GPC1: variants seen among roughly 807,000 people sequenced by gnomAD.
The protein encoded by GPC1 is glypican-1.
GPC1 carries 26 observed loss-of-function variants against 51.5 expected under a neutral mutation model. The ratio of observed to expected loss-of-function variants is 0.50; its 90% CI spans 0.37 to 0.70. The LOEUF (loss-of-function observed/expected upper bound fraction) is 0.70, where lower values mean the gene tolerates loss of function less well. GPC1 is among the 30% of genes least tolerant of loss of function. The pLI, the probability that GPC1 is intolerant of heterozygous loss-of-function variation, is 0.00. For missense variants in GPC1, 775 were observed against 800.5 expected, an observed-to-expected ratio of 0.97 and a Z score of 0.38; for synonymous variants, 380 against 348.3, an observed-to-expected ratio of 1.09 and a Z score of -1.01.
chr2:240,450,759 G>A (rs2074091774), intron 1 of GPC1: 3 of 470,030 alleles, frequency 6.4e-6, no homozygotes, highest in Non-Finnish European at 8.8e-6. Flanking sequence ...GATTCCCCCC[G>A]ACATCATTTA....
chr2:240,465,952 C>T (rs1055062822), intron 8 of GPC1, 106 bp from the exon 9 acceptor site: 302 of 679,378 alleles, frequency 4.4e-4, no homozygotes, highest in Non-Finnish European at 7.2e-4. Context: ...CCTGGGATTC[C>T]ACACCGAAAG....
In GPC1 at chr2:240,435,786, G is replaced by A; in HGVS notation, c.-133G>A. 1 of 521,426 alleles carries A rather than the reference G, an allele frequency of 1.9e-6. No individual in the cohort carries two copies. Among genetic ancestry groups the A allele is most frequent in the Non-Finnish European group, 2.8e-6 (1 of 355,210 alleles). 32.3% of individuals were successfully genotyped at this position (521,426 alleles called of 1,614,324 possible). A position where few individuals can be genotyped will look rare whatever the true frequency, so the allele number is the denominator to read the frequency against. ...TTTTGTTGTCTCCGCCTCCTCGGCC[G>A]CCGCCGCCTCTGGACCGCGAGCCGC... On this transcript the variant is annotated 5_prime_UTR_variant, in exon 1 of 9. Coordinates refer to ENST00000264039, the MANE Select transcript of GPC1 (RefSeq NM_002081.3).
intron 1 of GPC1, chr2:240,450,922 C>T: frequency 2.5e-6 from 1 of 404,860 alleles, no homozygotes; most frequent in South Asian, 1.9e-5. Flanking sequence ...GGGGAGGCTT[C>T]CTGAGGGAGG....
At position 240,463,373 on chromosome 2, in the gene GPC1, A is replaced by G. The variant is rs1284496421; in HGVS notation, c.744A>G (p.Arg248=). The G allele has an allele frequency of 6.2e-7, 1 of 1,612,548 alleles. No homozygotes were observed. Among genetic ancestry groups the G allele is most frequent in the East Asian group, 2.2e-5 (1 of 44,840 alleles). Residue 248 remains arginine, a synonymous_variant, in exon 4 of 9, where the codon AGA becomes AGG. Transcript: ENST00000264039. ...AQVPLGPECS[R]AVMKLVYCAH... ...TCCCCCTGGGCCCGGAGTGCTCGAGAGCTGTCATGAAGCTGGTCTACTGTG... is the reference window on the plus strand; with the variant it reads ...TCCCCCTGGGCCCGGAGTGCTCGAGGGCTGTCATGAAGCTGGTCTACTGTG...
Position 240,462,084 on chromosome 2 carries a change from C to CAT in GPC1, c.326-106_326-105insTA, listed in dbSNP as rs1177045055. 16 of 1,144,924 alleles carry CAT rather than the reference C, an allele frequency of 1.4e-5. No individual in the cohort carries two copies. In the African/African-American group the frequency reaches 2.0e-4, roughly 15 times the overall value. 70.9% of individuals were successfully genotyped at this position (1,144,924 alleles called of 1,614,324 possible). A position where few individuals can be genotyped will look rare whatever the true frequency, so the allele number is the denominator to read the frequency against. ...GTGTGGCGTCCGACTCCGAGGTCCT[C>CAT]AGAGTGTATCCTCAGAGCTGAGTCT... On this transcript the variant is annotated intron_variant, in intron 2 of 8. Transcript: ENST00000264039.
chr2:240,454,070 G>A (rs1214273795), intron 1 of GPC1, among the ~76,000 whole-genome samples: 1 of 151,308 alleles, frequency 6.6e-6, no homozygotes, highest in South Asian at 2.1e-4. Context: ...TGGCGGGGGG[G>A]CTTCGGGCAG....
chr2:240,463,407 C>T lies in GPC1; in HGVS notation c.778C>T (p.Leu260=), dbSNP rs771408100. Residue 260 remains leucine, a synonymous_variant, in exon 4 of 9, where the codon CTG becomes TTG. Coordinates refer to ENST00000264039, the MANE Select transcript of GPC1 (RefSeq NM_002081.3). ...VMKLVYCAHC[L]GVPGARPCPD... ...GAAGCTGGTCTACTGTGCTCACTGCCTGGGAGTCCCCGGCGCCAGGCCCTG... is the reference window on the plus strand; with the variant it reads ...GAAGCTGGTCTACTGTGCTCACTGCTTGGGAGTCCCCGGCGCCAGGCCCTG... 2.5e-6 allele frequency: 4 copies of T among 1,612,892 alleles called. No homozygotes were observed. In the South Asian group the frequency reaches 3.3e-5, roughly 13 times the overall value.
chr2:240,444,118 G>C (rs549869998), intron 1 of GPC1, among the ~76,000 whole-genome samples: 1 of 152,302 alleles, frequency 6.6e-6, no homozygotes, highest in East Asian at 1.9e-4. Context: ...TTGCAGCTCC[G>C]TGTCGGGGCC....
At chr2:240,465,790 C>T (rs1232271437) in intron 8 of GPC1, 142 bp downstream of exon 8, 1 of 736,336 alleles carries the variant, frequency 1.4e-6, no homozygotes, top group Non-Finnish European at 2.2e-6. Flanking sequence ...GCTGTGCTGC[C>T]CAGGCACGAT....
At position 240,466,672 on chromosome 2, in the gene GPC1, C is replaced by T. The variant is rs1197053536; in HGVS notation, c.*382C>T. 1.0e-5 allele frequency: 2 copies of T among 194,336 alleles called. No individual in the cohort carries two copies. The highest frequency in any genetic ancestry group is 2.6e-4 in the East Asian group (2 of 7,772). The allele number at this position is 194,336 out of a possible 1,614,324, so 12.0% of individuals were successfully genotyped here. On this transcript the variant is annotated 3_prime_UTR_variant, in exon 9 of 9. Coordinates refer to ENST00000264039, the MANE Select transcript of GPC1 (RefSeq NM_002081.3). ...CCACAGCGAGCCTGTGCCTTCCTCC[C>T]CGCCTCCTCCCACTGGGACTCCCAG... is the stretch of plus-strand genomic sequence containing the variant.
In GPC1 at chr2:240,448,019, C is replaced by T. The variant is rs1559195719; in HGVS notation, c.167-11011C>T. Among the ~76,000 whole-genome samples, 4 of 152,280 alleles carry T rather than the reference C, an allele frequency of 2.6e-5. No individual in the cohort carries two copies. Among genetic ancestry groups the T allele is most frequent in the Admixed American group, 2.6e-4 (4 of 15,300 alleles). ...AATGGCAAGAAGAGTTGCTGCCAGG[C>T]CATTCTGGGTGGAACACAGTGTCCC... is the stretch of plus-strand genomic sequence containing the variant. On this transcript the variant is annotated intron_variant, in intron 1 of 8. Transcript: ENST00000264039. The surrounding 1 kb of genome is among the most constrained non-coding windows in gnomAD (Gnocchi z 4.5).
At chr2:240,457,888 G>C in intron 1 of GPC1, 1 of 360,534 alleles carries the variant, frequency 2.8e-6, no homozygotes, top group Non-Finnish European at 5.7e-6. Context: ...GAGGAAAGTT[G>C]CTGGAATTCC....
At chr2:240,456,270 CGGG>C (rs2074162419) in intron 1 of GPC1, among the ~76,000 whole-genome samples, 1 of 151,990 alleles carries the variant, frequency 6.6e-6, no homozygotes, top group African/African-American at 2.4e-5. Context: ...ACGGGTGTTT[CGGG>C]CCTCACCTCT....
At chr2:240,464,554 C>T (rs2074243843) in intron 4 of GPC1, 62 bp from the exon 5 acceptor site, 2 of 295,668 alleles carry the variant, frequency 6.8e-6, no homozygotes, top group East Asian at 4.7e-5. Flanking sequence ...CCTGCGTGTG[C>T]GTGTCAACGC....
intron 1 of GPC1, among the ~76,000 whole-genome samples, chr2:240,438,828 C>G (rs1261534683): frequency 6.6e-6 from 1 of 152,198 alleles, no homozygotes; most frequent in Non-Finnish European, 1.5e-5. Context: ...AGTGGTCATC[C>G]CATTTTATGG....
chr2:240,437,088 T>A lies in GPC1; in HGVS notation c.166+1004T>A, dbSNP rs528594742. Among the ~76,000 whole-genome samples the A allele has an allele frequency of 4.6e-5, 7 of 152,234 alleles. No homozygotes were observed. The South Asian group carries it at 1.5e-3, about 32-fold the overall frequency. On this transcript the variant is annotated intron_variant, in intron 1 of 8. Coordinates refer to ENST00000264039, the MANE Select transcript of GPC1 (RefSeq NM_002081.3). The stretch of plus-strand genomic sequence containing the variant: ...CCCAGTGGGCAAGAACAAAACAGAC[T>A]AGGTTCCTGCTCTGGGGGGCTCCTC...
chr2:240,459,766 ACTCCTCGGCCCAGGCTGGGC>A (rs925740002), intron 2 of GPC1, among the ~76,000 whole-genome samples: 19 of 152,178 alleles, frequency 1.2e-4, no homozygotes, highest in African/African-American at 4.1e-4. Context: ...AGAGCCACGT[ACTCCTCGGCCCAGGCTGGGC>A]CTCGCCTTGT....
At chr2:240,454,667 C>A (rs973825001) in intron 1 of GPC1, among the ~76,000 whole-genome samples, 1 of 152,226 alleles carries the variant, frequency 6.6e-6, no homozygotes, top group South Asian at 2.1e-4. Context: ...AATTCCGGTA[C>A]CTTAGGCATT....
chr2:240,436,843 G>A (rs1254336575), intron 1 of GPC1, among the ~76,000 whole-genome samples: 1 of 152,252 alleles, frequency 6.6e-6, no homozygotes, highest in East Asian at 1.9e-4. Context: ...CAGGGGCCGT[G>A]TCATTTCTTT....
Sources: allele counts gnomAD v4.1 joint callset (sites outside exome capture counted in the v4.1 genomes callset), GRCh38; gene constraint gnomAD v4.1.1; non-coding constraint Gnocchi (gnomAD v3.1); transcripts MANE v1.5; gene names NCBI Gene and HGNC (gene_info 2026-07-23, HGNC 2026-07-21).